The following TARS1 variants were observed in gnomAD, a reference collection of about 807,000 sequenced individuals.
TARS1 encodes threonyl-tRNA synthetase 1.
TARS1 carries 57 observed loss-of-function variants against 97.7 expected under a neutral mutation model. The ratio of observed to expected loss-of-function variants is 0.58; its 90% CI spans 0.47 to 0.73. The LOEUF is 0.73. Ranked by LOEUF, TARS1 falls within the 30% of genes least tolerant of loss-of-function variation. The pLI is 0.00. For missense variants in TARS1, 806 were observed against 888.3 expected (o/e 0.91, Z 1.18); for synonymous variants, 312 against 293.7 (o/e 1.06, Z -0.64).
In TARS1 at chr5:33,453,197, A is replaced by G. The variant is rs146234110; in HGVS notation, c.330-92A>G. 9.4e-4 allele frequency: 1,235 copies of G among 1,308,414 alleles called. 2 individuals are homozygous for G. The highest frequency in any genetic ancestry group is 2.8e-3 in the East Asian group (102 of 36,640). 81.1% of individuals were successfully genotyped at this position (1,308,414 alleles called of 1,614,324 possible). ...ATACATCAATATAAAAAAACAATAT[A>G]TAATAAAAATAGTGTTTATTTTCCT... On this transcript the variant is annotated intron_variant, in intron 3 of 18. Coordinates refer to ENST00000265112, the MANE Select transcript of TARS1 (RefSeq NM_152295.5).
chr5:33,464,803 C>T (rs1023477799), intron 17 of TARS1, among the ~76,000 whole-genome samples: 6 of 151,992 alleles, frequency 3.9e-5, no homozygotes, highest in Non-Finnish European at 2.9e-5. Flanking sequence ...GTGGGCCAGG[C>T]GTGGTGGCTC....
chr5:33,449,335 ATATACACGTG>A (rs1302933789), intron 3 of TARS1, among the ~76,000 whole-genome samples: 16 of 142,230 alleles, frequency 1.1e-4, no homozygotes, highest in South Asian at 4.6e-4. Context: ...ATACGCGTAT[ATATACACGTG>A]TATATATATA....
chr5:33,451,065 G>A (rs1405203272), intron 3 of TARS1, among the ~76,000 whole-genome samples: 3 of 152,146 alleles, frequency 2.0e-5, no homozygotes, highest in African/African-American at 4.8e-5. Context: ...AGTGAGCCAA[G>A]ATTGAGCCAC....
chr5:33,447,272 G>A (rs1469166012), intron 2 of TARS1, among the ~76,000 whole-genome samples: 2 of 152,086 alleles, frequency 1.3e-5, no homozygotes, highest in South Asian at 2.1e-4. Context: ...TTTGAGACAA[G>A]GTCTCACTCT....
At chr5:33,462,850 T>C (rs115722196) in intron 16 of TARS1, among the ~76,000 whole-genome samples, 1 of 152,194 alleles carries the variant, frequency 6.6e-6, no homozygotes, top group African/African-American at 2.4e-5. Context: ...TTTAAAACTT[T>C]TGTAAAATGA....
In TARS1 at chr5:33,459,618, C is replaced by T. The variant is rs142220239; in HGVS notation, c.1084-77C>T. 2.5e-3 allele frequency: 3,825 copies of T among 1,508,154 alleles called. 99 individuals carry two copies. The Admixed American group carries it at 0.056, about 22-fold the overall frequency. The allele number at this position is 1,508,154 out of a possible 1,614,324, so 93.4% of individuals were successfully genotyped here. A position where few individuals can be genotyped will look rare whatever the true frequency, so the allele number is the denominator to read the frequency against. On this transcript the variant is annotated intron_variant, in intron 10 of 18. Coordinates refer to ENST00000265112, the MANE Select transcript of TARS1 (RefSeq NM_152295.5). Reference sequence around the variant, plus strand: ...TCTTTTTCATGAGAGAGTATAAAATCACTCTTTAAGTTTTTACTCCCACTT... The same window carrying T: ...TCTTTTTCATGAGAGAGTATAAAATTACTCTTTAAGTTTTTACTCCCACTT...
chr5:33,453,946 CT>C (rs1273466191), intron 4 of TARS1, among the ~76,000 whole-genome samples: 1 of 152,112 alleles, frequency 6.6e-6, no homozygotes, highest in African/African-American at 2.4e-5. Flanking sequence ...TCTTGAACTC[CT>C]GACCTCAAGT....
chr5:33,460,463 C>T (rs1198547176), intron 11 of TARS1, among the ~76,000 whole-genome samples: 2 of 152,166 alleles, frequency 1.3e-5, no homozygotes, highest in East Asian at 1.9e-4. Flanking sequence ...GTCATGAGGC[C>T]GCTCTGCTTT....
At chr5:33,446,094 T>C (rs1741401161) in intron 2 of TARS1, 1 of 156,112 alleles carries the variant, frequency 6.4e-6, no homozygotes. Flanking sequence ...TGGAGACTCT[T>C]TAGAAAGCTA....
At chr5:33,443,125 G>T (rs1741199121) in intron 1 of TARS1, among the ~76,000 whole-genome samples, 1 of 152,150 alleles carries the variant, frequency 6.6e-6, no homozygotes, top group South Asian at 2.1e-4. Flanking sequence ...GAGAACAGTT[G>T]CCTACTCTCT....
intron 17 of TARS1, among the ~76,000 whole-genome samples, chr5:33,465,629 A>G (rs1247747986): frequency 1.3e-5 from 2 of 152,364 alleles, no homozygotes; most frequent in East Asian, 3.9e-4. Context: ...TAAAATGTCA[A>G]CAGGTTAATT....
intron 3 of TARS1, 52 bp from the exon 4 acceptor site, chr5:33,453,237 T>A: frequency 6.9e-7 from 1 of 1,452,352 alleles, no homozygotes; most frequent in Non-Finnish European, 9.1e-7. Context: ...TCAAATTAGA[T>A]TCGTGTGTAC....
chr5:33,457,447 A>G (rs1018424991), intron 9 of TARS1, 44 bp downstream of exon 9: 9 of 1,582,972 alleles, frequency 5.7e-6, no homozygotes, highest in African/African-American at 5.5e-5. Flanking sequence ...GTTTTCTTCA[A>G]CTTCATTTGA....
At chr5:33,466,704 G>A (rs373947568) in intron 17 of TARS1, 167 bp from the exon 18 acceptor site, 11 of 426,506 alleles carry the variant, frequency 2.6e-5, no homozygotes, top group African/African-American at 1.9e-4. Context: ...GCCTTTTTGA[G>A]GGGGGAATAA....
intron 6 of TARS1, 54 bp downstream of exon 6, chr5:33,455,758 A>G: frequency 7.9e-7 from 1 of 1,270,084 alleles, no homozygotes; most frequent in Non-Finnish European, 1.1e-6. Context: ...TATTCATGTT[A>G]GTTGAAGTGA....
chr5:33,448,447 T>TG, intron 2 of TARS1, 94 bp from the exon 3 acceptor site: 13 of 1,091,054 alleles, frequency 1.2e-5, no homozygotes, highest in Non-Finnish European at 1.7e-5. Flanking sequence ...TAGTCCTGGG[T>TG]TTCTGTATTG....
chr5:33,458,658 C>T lies in TARS1; in HGVS notation c.1077C>T (p.Phe359=). 2 of 1,610,158 alleles carry T rather than the reference C, an allele frequency of 1.2e-6. No homozygotes were observed. The highest frequency in any genetic ancestry group is 1.7e-6 in the Non-Finnish European group (2 of 1,177,692). The change falls in exon 10 of 19, where the codon TTC becomes TTT. Residue 359 remains phenylalanine (F), a synonymous_variant. Coordinates refer to ENST00000265112, the MANE Select transcript of TARS1 (RefSeq NM_152295.5). The part of the protein sequence containing the change: ...GAYIYNALIE[F]IRSEYRKRGF... ...ACATTTATAATGCACTTATTGAATT[C>T]ATTAGGGTAAGTCATATTTATTGCT...
rs370841548 is a variant in TARS1, at chr5:33,448,565, T to C, written c.163T>C (p.Tyr55His). Reference sequence around the variant, plus strand: ...GTTGAATCCTTGGCCTGAATATATTTACACACGTCTTGAGATGTATAATAT... The same window carrying C: ...GTTGAATCCTTGGCCTGAATATATTCACACACGTCTTGAGATGTATAATAT... ...AELNPWPEYI[Y>H]TRLEMYNILK... Residue 55 changes from tyrosine to histidine, a missense_variant, in exon 3 of 19, where the codon TAC (tyrosine) becomes CAC (histidine). Physicochemically the swap from Tyr to His is moderately conservative, Grantham distance 83. Around this residue, in one of 3 missense-constraint regions of TARS1, gnomAD observed 356 missense variants for 357.8 expected, o/e 0.99. Coordinates refer to ENST00000265112, the MANE Select transcript of TARS1 (RefSeq NM_152295.5). 1.1e-4 allele frequency: 176 copies of C among 1,601,986 alleles called. No individual in the cohort carries two copies. Among genetic ancestry groups the C allele is most frequent in the Admixed American group, 3.8e-4 (22 of 58,156 alleles).
chr5:33,440,977 T>G lies in TARS1; in HGVS notation c.-110T>G, dbSNP rs537546222. 12 of 1,388,358 alleles carry G rather than the reference T, an allele frequency of 8.6e-6. 1 individual carries two copies. In the East Asian group the frequency reaches 2.1e-4, roughly 24 times the overall value. The allele number at this position is 1,388,358 out of a possible 1,614,324, so 86.0% of individuals were successfully genotyped here. ...TAGGGCGCCTTTCGATTGCATCAGC[T>G]GGTCCAGCCGAGGCCAAGTCCCGGG... On this transcript the variant is annotated 5_prime_UTR_variant, in exon 1 of 19. Transcript: ENST00000265112.
Sources: gnomAD v4.1 joint callset for allele counts (sites outside exome capture counted in the v4.1 genomes callset) on GRCh38, gnomAD v4.1.1 for gene constraint, gnomAD v4.1.1 regional missense constraint, MANE v1.5 for transcripts, NCBI Gene and HGNC (gene_info 2026-07-23, HGNC 2026-07-21) for gene names.